Variants in CFAP161 observed in about 807,000 individuals in gnomAD.
CFAP161 encodes the protein cilia and flagella associated protein 161.
A neutral mutation model predicts 29.0 loss-of-function variants in CFAP161; 25 were observed. The observed-to-expected ratio is 0.86, with a 90% CI of 0.63 to 1.20. The LOEUF is 1.20. Ranked by LOEUF, CFAP161 falls within the 50% of genes most tolerant of loss-of-function variation. The probability of loss-of-function intolerance (pLI) is 0.00; values close to 1 mark genes in which losing one functional copy is unlikely to be tolerated. For missense variants in CFAP161, 367 were observed against 371.9 expected, an observed-to-expected ratio of 0.99 and a Z score of 0.11; for synonymous variants, 116 against 137.4, an observed-to-expected ratio of 0.84 and a Z score of 1.09.
At chr15:81,106,413 G>A (rs144818877) in intron 1 of CFAP161, among the ~76,000 whole-genome samples, 2,384 of 152,214 alleles carry the variant, frequency 0.016, 35 homozygotes, top group Non-Finnish European at 0.021. Flanking sequence ...CTCATGATCC[G>A]CCTACCTCGG....
intron 1 of CFAP161, among the ~76,000 whole-genome samples, chr15:81,113,916 A>C (rs1471976994): frequency 1.3e-5 from 2 of 152,224 alleles, no homozygotes; most frequent in Non-Finnish European, 1.5e-5. Flanking sequence ...AAGTTACCTG[A>C]TTCGTATAAA....
chr15:81,125,443 G>A (rs1384546009), intron 1 of CFAP161, among the ~76,000 whole-genome samples: 1 of 152,130 alleles, frequency 6.6e-6, no homozygotes, highest in East Asian at 1.9e-4. Flanking sequence ...TGGATTTATA[G>A]TTTTGTAAAC....
intron 1 of CFAP161, among the ~76,000 whole-genome samples, chr15:81,119,629 TGA>T (rs1235163085): frequency 1.3e-5 from 2 of 152,306 alleles, no homozygotes; most frequent in East Asian, 1.9e-4. Context: ...CTCTACAAGA[TGA>T]GAGAGACATT....
At chr15:81,128,486 G>A (rs1209945471) in intron 2 of CFAP161, among the ~76,000 whole-genome samples, 1 of 152,162 alleles carries the variant, frequency 6.6e-6, no homozygotes, top group Non-Finnish European at 1.5e-5. Flanking sequence ...CCTCAAGACT[G>A]CAGCTCCATT....
chr15:81,144,525 G>C (rs1191116503), intron 5 of CFAP161, among the ~76,000 whole-genome samples: 1 of 152,188 alleles, frequency 6.6e-6, no homozygotes, highest in African/African-American at 2.4e-5. Context: ...GTACCCAGGA[G>C]ACAGAGGTTG....
intron 1 of CFAP161, among the ~76,000 whole-genome samples, chr15:81,114,856 G>A (rs189070302): frequency 2.0e-5 from 3 of 152,030 alleles, no homozygotes; most frequent in Admixed American, 6.6e-5. Context: ...GTAGAGACAG[G>A]GTTTCACCAT....
chr15:81,139,573 A>G (rs1302762290), intron 4 of CFAP161, among the ~76,000 whole-genome samples: 1 of 152,222 alleles, frequency 6.6e-6, no homozygotes, highest in African/African-American at 2.4e-5. Context: ...AAATCATTTA[A>G]TGAGAGCATA....
chr15:81,103,593 C>T (rs1457656186), intron 1 of CFAP161, among the ~76,000 whole-genome samples: 10 of 152,150 alleles, frequency 6.6e-5, no homozygotes, highest in Admixed American at 2.6e-4. Flanking sequence ...ATGGAAGCGC[C>T]GCGTCCCGTC....
chr15:81,113,305 C>G (rs1894460145), intron 1 of CFAP161, among the ~76,000 whole-genome samples: 1 of 152,230 alleles, frequency 6.6e-6, no homozygotes, highest in South Asian at 2.1e-4. Context: ...GCCAAGGTCA[C>G]TGGAGTGTTT....
chr15:81,147,944 AG>A lies in CFAP161; in HGVS notation c.710+16del. On this transcript the variant is annotated intron_variant, in intron 6 of 6. Coordinates refer to ENST00000286732, the MANE Select transcript of CFAP161 (RefSeq NM_173528.4). Reference sequence around the variant, plus strand: ...ATCTTTTCTTAAGGTATTGTATTTCAGGGTACAACAAAATGCTGTGATTGGG... The same window carrying A: ...ATCTTTTCTTAAGGTATTGTATTTCAGGTACAACAAAATGCTGTGATTGGG... 1 of 1,594,560 alleles carries A rather than the reference AG, an allele frequency of 6.3e-7. No individual in the cohort carries two copies.
At chr15:81,146,146 C>G (rs1595921102) in intron 5 of CFAP161, among the ~76,000 whole-genome samples, 1 of 152,264 alleles carries the variant, frequency 6.6e-6, no homozygotes, top group African/African-American at 2.4e-5. Flanking sequence ...ACAGAGTAGC[C>G]TTGTCTGATG....
intron 4 of CFAP161, among the ~76,000 whole-genome samples, chr15:81,140,783 C>T (rs753122677): frequency 2.6e-5 from 4 of 151,988 alleles, no homozygotes; most frequent in Non-Finnish European, 5.9e-5. Context: ...GACGGAGTTT[C>T]GCCATGTTGG....
At chr15:81,103,946 G>A (rs912918029) in intron 1 of CFAP161, among the ~76,000 whole-genome samples, 9 of 147,146 alleles carry the variant, frequency 6.1e-5, no homozygotes, top group African/African-American at 1.9e-4. Flanking sequence ...GGTCACAGAT[G>A]TCCTCTTCTA....
At chr15:81,114,748 C>T (rs1207704941) in intron 1 of CFAP161, among the ~76,000 whole-genome samples, 1 of 152,118 alleles carries the variant, frequency 6.6e-6, no homozygotes, top group African/African-American at 2.4e-5. Flanking sequence ...ACTGCAAGCT[C>T]CGCCTCCCGG....
chr15:81,116,320 T>G (rs553742076), intron 1 of CFAP161, among the ~76,000 whole-genome samples: 52 of 152,202 alleles, frequency 3.4e-4, no homozygotes, highest in African/African-American at 1.3e-3. Context: ...TTGAGATGGA[T>G]TCTTGCTCTG....
chr15:81,144,286 C>T (rs889357056), intron 5 of CFAP161, among the ~76,000 whole-genome samples: 1 of 152,202 alleles, frequency 6.6e-6, no homozygotes, highest in Non-Finnish European at 1.5e-5. Context: ...AAGGCCTCCG[C>T]TAAGTACTAT....
At chr15:81,140,042 C>T (rs1047934811) in intron 4 of CFAP161, among the ~76,000 whole-genome samples, 3 of 152,010 alleles carry the variant, frequency 2.0e-5, no homozygotes, top group African/African-American at 7.2e-5. Flanking sequence ...TCCTTTCTCT[C>T]TCGCTTCTTT....
At chr15:81,144,920 C>T (rs1012966509) in intron 5 of CFAP161, among the ~76,000 whole-genome samples, 2 of 152,168 alleles carry the variant, frequency 1.3e-5, no homozygotes, top group Admixed American at 6.5e-5. Context: ...ACACTTTCTC[C>T]GGATGCTGGG....
At chr15:81,119,042 A>T (rs1894537207) in intron 1 of CFAP161, among the ~76,000 whole-genome samples, 1 of 152,240 alleles carries the variant, frequency 6.6e-6, no homozygotes, top group Non-Finnish European at 1.5e-5. Flanking sequence ...GTTAATTAGC[A>T]GTTTTATGAA....
Sources: gnomAD v4.1 joint callset for allele counts (sites outside exome capture counted in the v4.1 genomes callset) on GRCh38, gnomAD v4.1.1 for gene constraint, MANE v1.5 for transcripts, NCBI Gene and HGNC (gene_info 2026-07-23, HGNC 2026-07-21) for gene names.